PCLO: variants seen among roughly 807,000 people sequenced by gnomAD.
PCLO encodes piccolo presynaptic cytomatrix protein, also known as protein piccolo.
A neutral mutation model predicts 427.5 loss-of-function variants in PCLO; 82 were observed. The ratio of observed to expected loss-of-function variants is 0.19; its 90% CI spans 0.16 to 0.23. The LOEUF is 0.23. Among genes scored for constraint, PCLO ranks in the 10% least tolerant of loss-of-function variants. PCLO has a pLI of 1.00. For missense variants in PCLO, 6,239 were observed against 6,115.9 expected, an observed-to-expected ratio of 1.02 and a Z score of -0.67; for synonymous variants, 2,357 against 2,155.4, an observed-to-expected ratio of 1.09 and a Z score of -2.59.
In PCLO at chr7:82,916,328, T is replaced by A. The variant is rs1308389683; in HGVS notation, c.11658A>T (p.Thr3886=). 1 of 1,613,546 alleles carries A rather than the reference T, an allele frequency of 6.2e-7. No individual in the cohort carries two copies. The highest frequency in any genetic ancestry group is 1.7e-5 in the Admixed American group (1 of 59,966). Reference sequence around the variant, plus strand: ...GAGCAGGGGAAGAGTACTGGTATTGTGTGTAAGGACTTGTCGGAGGAACTA... The same window carrying A: ...GAGCAGGGGAAGAGTACTGGTATTGAGTGTAAGGACTTGTCGGAGGAACTA... ...SQLVPPTSPY[T]QYQYSSPALP... is the part of the protein sequence containing the mutation. The change falls in exon 7 of 25, where the codon ACA becomes ACT. Residue 3886 remains threonine, a synonymous_variant. Transcript: ENST00000333891.
intron 1 of PCLO, 64 bp from the exon 2 acceptor site, chr7:83,156,456 G>A: frequency 9.3e-7 from 1 of 1,080,894 alleles, no homozygotes; most frequent in East Asian, 2.6e-5. Flanking sequence ...TCAAATCAAA[G>A]TAATACAAAA....
intron 10 of PCLO, among the ~76,000 whole-genome samples, chr7:82,860,543 A>C (rs1331198155): frequency 6.6e-6 from 1 of 152,122 alleles, no homozygotes; most frequent in East Asian, 1.9e-4. Context: ...GAGCTGTCCT[A>C]CAAGAGATGC....
intron 3 of PCLO, among the ~76,000 whole-genome samples, chr7:83,072,156 T>C (rs1002680099): frequency 3.2e-4 from 48 of 152,232 alleles, no homozygotes; most frequent in African/African-American, 1.1e-3. Context: ...GATTTTGTTG[T>C]TGTGATTCTG....
intron 3 of PCLO, among the ~76,000 whole-genome samples, chr7:83,084,262 T>G (rs1790175522): frequency 6.6e-6 from 1 of 151,422 alleles, no homozygotes; most frequent in Non-Finnish European, 1.5e-5. Context: ...GAAAGCACCC[T>G]ATTTAAAAAA....
chr7:83,144,193 G>A (rs1226588580), intron 2 of PCLO, among the ~76,000 whole-genome samples: 1 of 152,098 alleles, frequency 6.6e-6, no homozygotes, highest in Non-Finnish European at 1.5e-5. Context: ...AGGCTAAGCG[G>A]GGCAGATCAC....
chr7:83,030,466 G>A (rs1004709985), intron 3 of PCLO, among the ~76,000 whole-genome samples: 6 of 152,094 alleles, frequency 3.9e-5, no homozygotes, highest in African/African-American at 1.2e-4. Context: ...AAAAACAATA[G>A]TAAATGACTC....
chr7:82,972,327 T>C (rs1239165045), intron 3 of PCLO, among the ~76,000 whole-genome samples: 4 of 152,152 alleles, frequency 2.6e-5, no homozygotes, highest in Middle Eastern at 3.4e-3. Context: ...TCAGCATTTT[T>C]CCATCAATAA....
chr7:82,979,374 C>T (rs143628209), intron 3 of PCLO, among the ~76,000 whole-genome samples: 255 of 152,204 alleles, frequency 1.7e-3, no homozygotes, highest in Non-Finnish European at 2.5e-3. Flanking sequence ...CATATGGATG[C>T]ATTTTATTTA....
At chr7:83,104,176 T>TA (rs61534133) in intron 3 of PCLO, among the ~76,000 whole-genome samples, 2 of 151,376 alleles carry the variant, frequency 1.3e-5, no homozygotes, top group African/African-American at 4.8e-5. Context: ...TTTAGAAAAA[T>TA]AAAGACTTTA....
chr7:82,773,240 T>C (rs1790681993), intron 22 of PCLO, among the ~76,000 whole-genome samples: 1 of 152,064 alleles, frequency 6.6e-6, no homozygotes, highest in African/African-American at 2.4e-5. Flanking sequence ...CCAGAAAAAG[T>C]ATAATGTAAG....
intron 3 of PCLO, among the ~76,000 whole-genome samples, chr7:83,087,692 C>A (rs1397046715): frequency 2.0e-5 from 3 of 150,944 alleles, no homozygotes; most frequent in African/African-American, 7.3e-5. Context: ...AATTCCATTA[C>A]AATAAGAAAA....
intron 3 of PCLO, among the ~76,000 whole-genome samples, chr7:83,099,908 T>A (rs879686596): frequency 1.3e-5 from 2 of 152,210 alleles, no homozygotes; most frequent in Non-Finnish European, 2.9e-5. Context: ...TAAAGCCATT[T>A]TGAAGAGGTT....
intron 3 of PCLO, among the ~76,000 whole-genome samples, chr7:83,038,019 A>ATATATT (rs1379388561): frequency 2.1e-5 from 1 of 47,054 alleles, no homozygotes; most frequent in Non-Finnish European, 3.5e-5. Context: ...ATATATATAT[A>ATATATT]TATATATATA....
rs1273302245 is a variant in PCLO at position 83,116,901 on chromosome 7, T to C, written c.3300+17349A>G. On this transcript the variant is annotated intron_variant, in intron 3 of 24. Coordinates refer to ENST00000333891, the MANE Select transcript of PCLO (RefSeq NM_033026.6). The stretch of plus-strand genomic sequence containing the variant: ...GGTATTTACATGTCCATGTTTATGG[T>C]AGCATTATTCACAATATCCAATATA... Among the ~76,000 whole-genome samples, 8 of 152,300 alleles carry C rather than the reference T, an allele frequency of 5.3e-5. No individual in the cohort carries two copies. The South Asian group carries it at 6.2e-4, about 12-fold the overall frequency.
At chr7:83,157,901 AT>A (rs903668430) in intron 1 of PCLO, among the ~76,000 whole-genome samples, 2 of 152,066 alleles carry the variant, frequency 1.3e-5, no homozygotes, top group African/African-American at 2.4e-5. Context: ...GTTTACCAAA[AT>A]TTACCTGCTA....
intron 3 of PCLO, among the ~76,000 whole-genome samples, chr7:82,997,315 C>T (rs1206887316): frequency 3.3e-5 from 5 of 151,938 alleles, no homozygotes; most frequent in African/African-American, 1.2e-4. Context: ...CCATTCCAGA[C>T]TAAACCTAAA....
chr7:82,776,037 T>G (rs1351076223), intron 22 of PCLO, among the ~76,000 whole-genome samples: 2 of 152,200 alleles, frequency 1.3e-5, no homozygotes, highest in African/African-American at 2.4e-5. Context: ...ACTGGTGATA[T>G]GAATAAATTC....
rs1042555371 is a variant in PCLO, at chr7:83,124,322, C to A, written c.3300+9928G>T. Among the ~76,000 whole-genome samples, 6 of 149,522 alleles carry A rather than the reference C, an allele frequency of 4.0e-5. No individual in the cohort carries two copies. In the South Asian group the frequency reaches 8.6e-4, roughly 21 times the overall value. On this transcript the variant is annotated intron_variant, in intron 3 of 24. Transcript: ENST00000333891. Reference sequence around the variant, plus strand: ...TGAGCCGAGATAGCACCACTGTACTCCAGCCTGGGCGGAAGAGCGAGACTC... The same window carrying A: ...TGAGCCGAGATAGCACCACTGTACTACAGCCTGGGCGGAAGAGCGAGACTC...
At chr7:82,833,865 C>T (rs1562808034) in intron 16 of PCLO, among the ~76,000 whole-genome samples, 1 of 152,050 alleles carries the variant, frequency 6.6e-6, no homozygotes, top group Non-Finnish European at 1.5e-5. Flanking sequence ...GGGAAGGGAG[C>T]TGTTATTATT....
Sources: allele counts gnomAD v4.1 joint callset (sites outside exome capture counted in the v4.1 genomes callset), GRCh38; gene constraint gnomAD v4.1.1; transcripts MANE v1.5; gene names NCBI Gene and HGNC (gene_info 2026-07-23, HGNC 2026-07-21).